Variants in GRIK2 observed in about 807,000 individuals in gnomAD.
GRIK2 encodes glutamate receptor ionotropic, kainate 2.
A neutral mutation model predicts 100.3 loss-of-function variants in GRIK2; 32 were observed. That is an observed-to-expected ratio of 0.32 (90% CI 0.24 to 0.43). The LOEUF (loss-of-function observed/expected upper bound fraction) is 0.43, where lower values mean the gene tolerates loss of function less well. GRIK2 is among the 20% of genes least tolerant of loss of function. The pLI is 1.00. For synonymous variants in GRIK2, 417 were observed against 389.4 expected, an observed-to-expected ratio of 1.07 and a Z score of -0.83; for missense variants, 843 against 1,114.9, an observed-to-expected ratio of 0.76 and a Z score of 3.47.
Position 101,449,027 on chromosome 6 carries a change from A to G in GRIK2, c.115+49635A>G, listed in dbSNP as rs75853297. Among the ~76,000 whole-genome samples the G allele has an allele frequency of 9.4e-3, 1,429 of 151,766 alleles. 9 individuals are homozygous for G. Among genetic ancestry groups the G allele is most frequent in the African/African-American group, 0.03 (1,234 of 41,522 alleles). ...ACTGGAAAGAAATACATCCATTACC[A>G]TTATGTTTAGTTTTCTTATGAGTTT... On this transcript the variant is annotated intron_variant, in intron 2 of 16. Transcript: ENST00000369134.
intron 2 of GRIK2, among the ~76,000 whole-genome samples, chr6:101,562,470 C>G (rs1291350981): frequency 6.6e-6 from 1 of 152,034 alleles, no homozygotes; most frequent in Non-Finnish European, 1.5e-5. Flanking sequence ...TCCTGAGTAG[C>G]TGGGATTACA....
At chr6:101,512,864 T>C (rs1158070066) in intron 2 of GRIK2, among the ~76,000 whole-genome samples, 5 of 152,038 alleles carry the variant, frequency 3.3e-5, no homozygotes, top group Non-Finnish European at 7.4e-5. Context: ...ATTTCTAGCT[T>C]CAAGTTTTGT....
chr6:101,676,019 C>T (rs528746701), intron 4 of GRIK2, among the ~76,000 whole-genome samples: 26 of 152,156 alleles, frequency 1.7e-4, no homozygotes, highest in African/African-American at 6.3e-4. Flanking sequence ...AAATTAGGTG[C>T]GTGATAAAAC....
At chr6:102,006,594 C>G (rs1298811383) in intron 14 of GRIK2, among the ~76,000 whole-genome samples, 2 of 151,748 alleles carry the variant, frequency 1.3e-5, no homozygotes, top group African/African-American at 4.8e-5. Context: ...TTCCAAACAA[C>G]TGGGCTCAAG....
chr6:101,826,542 A>G (rs935689748), intron 10 of GRIK2, among the ~76,000 whole-genome samples: 10 of 152,056 alleles, frequency 6.6e-5, no homozygotes, highest in Non-Finnish European at 1.0e-4. Context: ...AGGGGATAAT[A>G]AATTAGATTC....
At chr6:101,678,278 C>T (rs1221683970) in intron 5 of GRIK2, among the ~76,000 whole-genome samples, 2 of 152,092 alleles carry the variant, frequency 1.3e-5, no homozygotes, top group Non-Finnish European at 2.9e-5. Context: ...TGCTTTCTGA[C>T]TTCTATTAGA....
intron 2 of GRIK2, among the ~76,000 whole-genome samples, chr6:101,515,678 AT>A (rs1180709753): frequency 6.6e-6 from 1 of 152,074 alleles, no homozygotes; most frequent in African/African-American, 2.4e-5. Context: ...GATGTTGAGC[AT>A]TTTTTCATAT....
intron 2 of GRIK2, among the ~76,000 whole-genome samples, chr6:101,473,589 A>G (rs1212612303): frequency 2.0e-5 from 3 of 151,864 alleles, no homozygotes; most frequent in Admixed American, 6.6e-5. Context: ...TAACTATTCC[A>G]ATGACTAATT....
intron 2 of GRIK2, among the ~76,000 whole-genome samples, chr6:101,567,350 A>G (rs897115656): frequency 1.3e-5 from 2 of 151,888 alleles, no homozygotes; most frequent in African/African-American, 4.8e-5. Context: ...TTTCCAATGC[A>G]TCTTACAAGA....
At chr6:101,637,976 AT>A (rs1781103563) in intron 4 of GRIK2, among the ~76,000 whole-genome samples, 1 of 151,828 alleles carries the variant, frequency 6.6e-6, no homozygotes, top group African/African-American at 2.4e-5. Flanking sequence ...TTTATAAATT[AT>A]TTCTAAATAT....
chr6:101,914,352 C>T (rs1466225834), intron 12 of GRIK2, among the ~76,000 whole-genome samples: 2 of 151,322 alleles, frequency 1.3e-5, no homozygotes, highest in Admixed American at 1.3e-4. Flanking sequence ...TGAAGTATAG[C>T]ATTACCCCCA....
chr6:101,395,821 T>C (rs1774980693), intron 1 of GRIK2, among the ~76,000 whole-genome samples: 1 of 152,152 alleles, frequency 6.6e-6, no homozygotes, highest in Non-Finnish European at 1.5e-5. Context: ...TCTCTCTGGG[T>C]GTGCGTGTAT....
chr6:102,045,680 A>G (rs1472638207), intron 15 of GRIK2, among the ~76,000 whole-genome samples: 1 of 152,012 alleles, frequency 6.6e-6, no homozygotes, highest in African/African-American at 2.4e-5. Context: ...ATAATAAACA[A>G]CCCCACTAAA....
At chr6:101,711,562 A>G (rs962955601) in intron 7 of GRIK2, among the ~76,000 whole-genome samples, 5 of 151,888 alleles carry the variant, frequency 3.3e-5, no homozygotes, top group African/African-American at 1.2e-4. Flanking sequence ...GTTCTTACTT[A>G]TACTTTACTT....
intron 10 of GRIK2, among the ~76,000 whole-genome samples, chr6:101,839,196 T>C (rs1290536173): frequency 6.6e-6 from 1 of 152,194 alleles, no homozygotes; most frequent in African/African-American, 2.4e-5. Flanking sequence ...TGAATTTGTA[T>C]CTTTGCTCAT....
chr6:101,636,785 T>C (rs961062053), intron 4 of GRIK2, among the ~76,000 whole-genome samples: 5 of 152,032 alleles, frequency 3.3e-5, no homozygotes, highest in Non-Finnish European at 7.4e-5. Flanking sequence ...GGAAGAATAA[T>C]TCTGGTGATA....
chr6:101,689,869 A>G (rs1771968322), intron 7 of GRIK2, among the ~76,000 whole-genome samples: 1 of 152,062 alleles, frequency 6.6e-6, no homozygotes, highest in Admixed American at 6.6e-5. Flanking sequence ...CCATCTTTTC[A>G]TGCTCCTAGA....
intron 14 of GRIK2, among the ~76,000 whole-genome samples, chr6:101,948,357 T>A (rs1415046243): frequency 6.6e-6 from 1 of 151,046 alleles, no homozygotes; most frequent in Non-Finnish European, 1.5e-5. Flanking sequence ...GTAAGTGACA[T>A]AAGCCACAAG....
chr6:102,052,268 A>C (rs1771239648), intron 15 of GRIK2, among the ~76,000 whole-genome samples: 1 of 152,226 alleles, frequency 6.6e-6, no homozygotes, highest in Non-Finnish European at 1.5e-5. Flanking sequence ...TCAATGATGG[A>C]AGGACAAGTA....
Sources: allele counts gnomAD v4.1 joint callset (sites outside exome capture counted in the v4.1 genomes callset), GRCh38; gene constraint gnomAD v4.1.1; transcripts MANE v1.5; gene names NCBI Gene and HGNC (gene_info 2026-07-23, HGNC 2026-07-21).